Variants in POLN observed in about 807,000 individuals in gnomAD.
The protein encoded by POLN is DNA polymerase N.
A neutral mutation model predicts 113.5 loss-of-function variants in POLN; 108 were observed. The observed-to-expected ratio is 0.95, with a 90% CI of 0.81 to 1.12. The LOEUF (loss-of-function observed/expected upper bound fraction) is 1.12. POLN is among the 50% of genes most tolerant of loss of function. The pLI, the probability that POLN is intolerant of heterozygous loss-of-function variation, is 0.00. For missense variants in POLN, 1,097 were observed against 1,077.1 expected (o/e 1.02, Z -0.26); for synonymous variants, 386 against 391.5 (o/e 0.99, Z 0.17).
In POLN at chr4:2,126,967, G is replaced by A. The variant is rs964774892; in HGVS notation, c.1982+1146C>T. ...GGGGAGTGCAGGGGGCCGGCCTAGTGAGGGGCTGAAGGACAGACCCCTCAC... is the reference window on the plus strand; with the variant it reads ...GGGGAGTGCAGGGGGCCGGCCTAGTAAGGGGCTGAAGGACAGACCCCTCAC... On this transcript the variant is annotated intron_variant, in intron 19 of 25. Transcript: ENST00000511885. This position sits in a 1 kb window ranked among gnomAD's most constrained non-coding sequence, Gnocchi z 4.6. Among the ~76,000 whole-genome samples the A allele has an allele frequency of 2.6e-5, 4 of 152,038 alleles. No homozygotes were observed. Among genetic ancestry groups the A allele is most frequent in the Non-Finnish European group, 4.4e-5 (3 of 67,968 alleles).
intron 2 of POLN, among the ~76,000 whole-genome samples, chr4:2,238,206 T>A (rs942096502): frequency 1.3e-5 from 2 of 152,096 alleles, no homozygotes; most frequent in Non-Finnish European, 2.9e-5. Context: ...CACACAAAAA[T>A]GAAGTCTTCT....
chr4:2,078,005 C>A (rs1378701618), intron 23 of POLN, among the ~76,000 whole-genome samples: 2 of 152,214 alleles, frequency 1.3e-5, no homozygotes, highest in African/African-American at 4.8e-5. Context: ...TGACTGAGAT[C>A]ACTGCACCAG....
intron 16 of POLN, among the ~76,000 whole-genome samples, chr4:2,138,551 G>A (rs1731916372): frequency 6.6e-6 from 1 of 152,198 alleles, no homozygotes; most frequent in Non-Finnish European, 1.5e-5. Context: ...CAGTTGAGCT[G>A]AGGAATCGCC....
chr4:2,229,312 T>C (rs2108773968), intron 2 of POLN, 69 bp from the exon 3 acceptor site: 1 of 1,278,006 alleles, frequency 7.8e-7, no homozygotes, highest in African/African-American at 1.5e-5. Context: ...GGAAATACAA[T>C]TATTTTCAAA....
At chr4:2,159,819 C>A (rs76219156) in intron 13 of POLN, among the ~76,000 whole-genome samples, 1 of 152,100 alleles carries the variant, frequency 6.6e-6, no homozygotes. Context: ...ACATATGAAG[C>A]AGTATTTCAT....
rs1734030775 is a variant in POLN, at chr4:2,213,028, CAT to C, written c.213+17_213+18del. The C allele has an allele frequency of 6.5e-7, 1 of 1,546,668 alleles. No individual in the cohort carries two copies. The highest frequency in any genetic ancestry group is 8.9e-7 in the Non-Finnish European group (1 of 1,126,442). ...AATAAGTTATCTATTTAAAATTACT[CAT>C]ATGTGCAATGATTTACCTTTTTTTC... On this transcript the variant is annotated intron_variant, in intron 4 of 25. Transcript: ENST00000511885.
At chr4:2,122,837 T>C (rs1289719624) in intron 19 of POLN, among the ~76,000 whole-genome samples, 1 of 152,036 alleles carries the variant, frequency 6.6e-6, no homozygotes, top group African/African-American at 2.4e-5. Context: ...TCAGGAGAAA[T>C]TTAAATGTAT....
At chr4:2,090,286 CA>C in intron 20 of POLN, 1 of 812,034 alleles carries the variant, frequency 1.2e-6, no homozygotes, top group South Asian at 1.6e-5. Flanking sequence ...TTCTGCACAT[CA>C]AACTTGTTCT....
intron 2 of POLN, chr4:2,240,880 T>A (rs1037000386): frequency 1.3e-5 from 21 of 1,609,814 alleles, no homozygotes; most frequent in Admixed American, 1.7e-5. Flanking sequence ...TCTTCTCCAT[T>A]AAGATTATCA....
chr4:2,207,500 A>AT (rs1444704328), intron 5 of POLN, among the ~76,000 whole-genome samples: 1 of 152,178 alleles, frequency 6.6e-6, no homozygotes, highest in Non-Finnish European at 1.5e-5. Flanking sequence ...AATATATCTT[A>AT]TAAGAGACTT....
intron 8 of POLN, chr4:2,177,243 A>G: frequency 2.2e-6 from 1 of 464,578 alleles, no homozygotes; most frequent in Non-Finnish European, 4.3e-6. Flanking sequence ...GGTATGGCAC[A>G]GCTGCACGAG....
intron 3 of POLN, among the ~76,000 whole-genome samples, chr4:2,219,345 T>G (rs1442310456): frequency 2.6e-5 from 4 of 152,310 alleles, no homozygotes; most frequent in African/African-American, 9.6e-5. Flanking sequence ...CAGGTTTCCC[T>G]GGCGGAAAGA....
chr4:2,210,980 G>T (rs1269104390), intron 4 of POLN, among the ~76,000 whole-genome samples: 1 of 150,112 alleles, frequency 6.7e-6, no homozygotes, highest in Non-Finnish European at 1.5e-5. Flanking sequence ...TCCAGGCACG[G>T]TGGCTCATGC....
intron 4 of POLN, among the ~76,000 whole-genome samples, chr4:2,212,751 G>C (rs1347365239): frequency 6.6e-6 from 1 of 152,030 alleles, no homozygotes; most frequent in Non-Finnish European, 1.5e-5. Flanking sequence ...ACTTCAGAAA[G>C]ACATCCCTGA....
chr4:2,148,930 C>A (rs954566310), intron 16 of POLN, among the ~76,000 whole-genome samples: 1 of 152,038 alleles, frequency 6.6e-6, no homozygotes, highest in Admixed American at 6.6e-5. Context: ...AGAAAAAAAA[C>A]CTTTTAACTG....
At chr4:2,210,575 A>G (rs1733963967) in intron 4 of POLN, among the ~76,000 whole-genome samples, 1 of 138,520 alleles carries the variant, frequency 7.2e-6, no homozygotes, top group Non-Finnish European at 1.5e-5. Context: ...AGAGTGAGAA[A>G]GTCTCAAAAT....
intron 7 of POLN, among the ~76,000 whole-genome samples, chr4:2,187,164 G>T (rs1323628979): frequency 6.6e-6 from 1 of 152,202 alleles, no homozygotes; most frequent in Non-Finnish European, 1.5e-5. Flanking sequence ...TGTTCAAGAT[G>T]AAGCAGAGCA....
chr4:2,128,101 C>A lies in POLN; in HGVS notation c.1982+12G>T. 6.7e-7 allele frequency: 1 copy of A among 1,498,152 alleles called. No individual in the cohort carries two copies. The highest frequency in any genetic ancestry group is 1.1e-5 in the South Asian group (1 of 88,352). The allele number at this position is 1,498,152 out of a possible 1,614,324, so 92.8% of individuals were successfully genotyped here. ...TGCAGATCTGATAATATTGTGAGTT[C>A]ATATATCTTACCACTGTGAAGTCAG... On this transcript the variant is annotated intron_variant, in intron 19 of 25. Coordinates refer to ENST00000511885, the MANE Select transcript of POLN (RefSeq NM_181808.4).
chr4:2,153,532 T>C (rs1017647030), intron 16 of POLN, among the ~76,000 whole-genome samples: 1 of 152,234 alleles, frequency 6.6e-6, no homozygotes, highest in Non-Finnish European at 1.5e-5. Flanking sequence ...TTTACTTTGT[T>C]ACTTACATTT....
Sources: allele counts gnomAD v4.1 joint callset (sites outside exome capture counted in the v4.1 genomes callset), GRCh38; gene constraint gnomAD v4.1.1; non-coding constraint Gnocchi (gnomAD v3.1); transcripts MANE v1.5; gene names NCBI Gene and HGNC (gene_info 2026-07-23, HGNC 2026-07-21).